Variants in SYNPO2 observed in about 807,000 individuals in gnomAD.
SYNPO2 encodes synaptopodin 2.
Under a neutral mutation model 85.0 loss-of-function variants are expected in SYNPO2, and 56 were observed. The ratio of observed to expected loss-of-function variants is 0.66; its 90% CI spans 0.53 to 0.82. The LOEUF (loss-of-function observed/expected upper bound fraction) is 0.82. SYNPO2 is among the 40% of genes least tolerant of loss of function. The pLI, the probability that SYNPO2 is intolerant of heterozygous loss-of-function variation, is 0.00. For synonymous variants in SYNPO2, 602 were observed against 591.1 expected (o/e 1.02, Z -0.27); for missense variants, 1,575 against 1,534.2 (o/e 1.03, Z -0.44).
rs566043324 is a variant in SYNPO2 at position 118,863,770 on chromosome 4, C to T, written c.12+12830C>T. Among the ~76,000 whole-genome samples, 4 of 152,252 alleles carry T rather than the reference C, an allele frequency of 2.6e-5. No homozygotes were observed. In the South Asian group the frequency reaches 8.3e-4, roughly 32 times the overall value. On this transcript the variant is annotated intron_variant, in intron 1 of 4. Coordinates refer to the SYNPO2 transcript ENST00000610556. ...GGGACTACAGGCGCAAGCCATCACA[C>T]CCGGTTAATTTTTGCGTTTTTAATA...
intron 4 of SYNPO2, among the ~76,000 whole-genome samples, chr4:119,054,145 C>A (rs1455857996): frequency 6.6e-6 from 1 of 152,262 alleles, no homozygotes; most frequent in Non-Finnish European, 1.5e-5. Context: ...TGGGATCTGG[C>A]TGGCCACTCC....
intron 1 of SYNPO2, among the ~76,000 whole-genome samples, chr4:118,954,994 A>G (rs1734821456): frequency 7.8e-6 from 1 of 128,960 alleles, no homozygotes. Context: ...GATTCTGTGC[A>G]ATTTTTTTTT....
chr4:118,978,961 T>C (rs921963109), intron 1 of SYNPO2, among the ~76,000 whole-genome samples: 49 of 152,318 alleles, frequency 3.2e-4, no homozygotes, highest in African/African-American at 1.2e-3. Flanking sequence ...CCCGCACACA[T>C]AGCGCATTCT....
At chr4:118,951,089 C>T (rs1734679222) in intron 1 of SYNPO2, among the ~76,000 whole-genome samples, 1 of 152,162 alleles carries the variant, frequency 6.6e-6, no homozygotes, top group Non-Finnish European at 1.5e-5. Flanking sequence ...TATCTCCTGT[C>T]TTATTTCTCT....
At chr4:118,856,730 C>T (rs1422268783) in intron 1 of SYNPO2, among the ~76,000 whole-genome samples, 1 of 151,844 alleles carries the variant, frequency 6.6e-6, no homozygotes, top group African/African-American at 2.4e-5. Flanking sequence ...CAGGCTGGTC[C>T]CGAACTCCTG....
At chr4:119,019,250 A>G (rs113999177) in intron 1 of SYNPO2, among the ~76,000 whole-genome samples, 2 of 152,320 alleles carry the variant, frequency 1.3e-5, no homozygotes, top group East Asian at 1.9e-4. Flanking sequence ...GTGGTAAGCA[A>G]TGAAACATAG....
intron 1 of SYNPO2, among the ~76,000 whole-genome samples, chr4:118,938,354 A>G (rs1560887222): frequency 2.0e-5 from 3 of 152,206 alleles, no homozygotes; most frequent in African/African-American, 7.2e-5. Flanking sequence ...TTATATATAT[A>G]TGTGTACATT....
intron 1 of SYNPO2, among the ~76,000 whole-genome samples, chr4:118,978,291 T>C (rs973497628): frequency 1.3e-5 from 2 of 152,232 alleles, no homozygotes; most frequent in East Asian, 1.9e-4. Context: ...TGCTGATTGA[T>C]TGAATTACTG....
rs574441661 is a variant in SYNPO2, at chr4:118,903,805, T to C, written c.105+14664T>C. Among the ~76,000 whole-genome samples the C allele has an allele frequency of 3.3e-5, 5 of 152,038 alleles. No individual in the cohort carries two copies. The South Asian group carries it at 8.3e-4, about 25-fold the overall frequency. ...CGGCTCACTGCAACCTCTGACTCCC[T>C]GGTTCAAGTGATTCTCCTGCCTCAG... On this transcript the variant is annotated intron_variant, in intron 1 of 4. Transcript: ENST00000307142.
intron 1 of SYNPO2, among the ~76,000 whole-genome samples, chr4:118,871,831 A>G (rs1014775448): frequency 1.3e-5 from 2 of 152,198 alleles, no homozygotes; most frequent in Non-Finnish European, 2.9e-5. Context: ...GGCCTCCCAA[A>G]GTGCTGGGAT....
rs529489810 is a variant in SYNPO2, at chr4:119,023,419, A to G, written c.106-11A>G. 40 of 1,589,216 alleles carry G rather than the reference A, an allele frequency of 2.5e-5. No individual in the cohort carries two copies. In the South Asian group the frequency reaches 4.1e-4, roughly 16 times the overall value. ...TCATTCTACTATGTCTTCTTTTTTT[A>G]CTCCACTCAGATTCGAAATCAGAGC... On this transcript the variant is annotated splice_polypyrimidine_tract_variant and intron_variant, in intron 1 of 4. Coordinates refer to ENST00000307142, the MANE Select transcript of SYNPO2 (RefSeq NM_133477.3).
At chr4:118,916,898 A>G (rs1733355250) in intron 1 of SYNPO2, among the ~76,000 whole-genome samples, 1 of 151,784 alleles carries the variant, frequency 6.6e-6, no homozygotes, top group South Asian at 2.1e-4. Context: ...ATGCCTGGCT[A>G]ATCTTTTTTT....
At chr4:118,993,264 TA>T (rs900419603) in intron 1 of SYNPO2, among the ~76,000 whole-genome samples, 75 of 151,188 alleles carry the variant, frequency 5.0e-4, no homozygotes, top group African/African-American at 1.7e-3. Flanking sequence ...TTATTCTCTT[TA>T]AAAAAAAATA....
chr4:119,007,260 A>ATGTATG (rs1553945958), intron 1 of SYNPO2, among the ~76,000 whole-genome samples: 5 of 37,028 alleles, frequency 1.4e-4, no homozygotes, highest in South Asian at 1.0e-3. Flanking sequence ...ATACATATAT[A>ATGTATG]TATATATATA....
intron 1 of SYNPO2, among the ~76,000 whole-genome samples, chr4:119,022,445 C>T (rs1268728008): frequency 6.7e-6 from 1 of 149,182 alleles, no homozygotes; most frequent in Admixed American, 6.7e-5. Flanking sequence ...AATCCTCCCA[C>T]TTCTCCTGTG....
chr4:119,057,083 G>A (rs970005952), intron 4 of SYNPO2, among the ~76,000 whole-genome samples: 2 of 152,036 alleles, frequency 1.3e-5, no homozygotes, highest in East Asian at 1.9e-4. Context: ...CAGAGCCCCC[G>A]CCCTGCCCCT....
At chr4:119,045,387 G>C (rs901966832) in intron 4 of SYNPO2, among the ~76,000 whole-genome samples, 3 of 152,080 alleles carry the variant, frequency 2.0e-5, no homozygotes, top group African/African-American at 7.2e-5. Flanking sequence ...GGAGGTTAAG[G>C]CTGCAATGAG....
At chr4:118,944,917 G>C (rs1411468390) in intron 1 of SYNPO2, among the ~76,000 whole-genome samples, 1 of 152,178 alleles carries the variant, frequency 6.6e-6, no homozygotes, top group Admixed American at 6.5e-5. Context: ...TGGTGGTTAA[G>C]CACTGCAGTC....
At chr4:118,885,659 G>C (rs1454426197), upstream of SYNPO2, among the ~76,000 whole-genome samples, 1 of 152,088 alleles carries the variant, frequency 6.6e-6, no homozygotes, top group Non-Finnish European at 1.5e-5. Context: ...TTTTGGTAGA[G>C]ATGGGGTTTC....
Sources: gnomAD v4.1 joint callset for allele counts (sites outside exome capture counted in the v4.1 genomes callset) on GRCh38, gnomAD v4.1.1 for gene constraint, MANE v1.5 for transcripts, NCBI Gene and HGNC (gene_info 2026-07-23, HGNC 2026-07-21) for gene names.